RICTOR: variants seen among roughly 807,000 people sequenced by gnomAD.
RICTOR encodes rapamycin-insensitive companion of mTOR.
RICTOR carries 49 observed loss-of-function variants against 214.9 expected under a neutral mutation model. The ratio of observed to expected loss-of-function variants is 0.23; its 90% CI spans 0.18 to 0.29. The LOEUF (loss-of-function observed/expected upper bound fraction) is 0.29. Among genes scored for constraint, RICTOR ranks in the 10% least tolerant of loss-of-function variants. The probability of loss-of-function intolerance (pLI) is 1.00; values close to 1 mark genes in which losing one functional copy is unlikely to be tolerated. For missense variants in RICTOR, 1,625 were observed against 2,047.0 expected, an observed-to-expected ratio of 0.79 and a Z score of 3.98; for synonymous variants, 717 against 711.3, an observed-to-expected ratio of 1.01 and a Z score of -0.13.
At chr5:38,971,618 T>C (rs1750797730) in intron 11 of RICTOR, 1 of 236,418 alleles carries the variant, frequency 4.2e-6, no homozygotes, top group African/African-American at 2.3e-5. Context: ...CCTGACCTCG[T>C]GATCCACCCA....
rs772605425 is a variant in RICTOR, at chr5:38,950,391, C to T, written c.3457G>A (p.Val1153Ile). The T allele has an allele frequency of 1.9e-6, 3 of 1,613,210 alleles. No homozygotes were observed. The East Asian group carries it at 6.7e-5, about 36-fold the overall frequency. Reference sequence around the variant, plus strand: ...GTCTCTAATTGTAATGTTTTCTGTACAGTGGATATGGGTGTAAAATCATCA... The same window carrying T: ...GTCTCTAATTGTAATGTTTTCTGTATAGTGGATATGGGTGTAAAATCATCA... ...HSDDFTPIST[V>I]QKTLQLETSF... Residue 1153 changes from valine (V) to isoleucine (I), a missense_variant, in exon 31 of 38, where the codon GTA (valine) becomes ATA (isoleucine). By Grantham distance (29) the Val-to-Ile change is conservative. This residue lies in a region of RICTOR where 1,214 missense variants were observed against 1,470.5 expected (regional missense o/e 0.83). Transcript: ENST00000357387.
intron 8 of RICTOR, among the ~76,000 whole-genome samples, chr5:38,979,341 A>G (rs1200242473): frequency 6.6e-6 from 1 of 152,164 alleles, no homozygotes; most frequent in Non-Finnish European, 1.5e-5. Flanking sequence ...CATCTTGTCT[A>G]CGGCATTACT....
intron 2 of RICTOR, among the ~76,000 whole-genome samples, chr5:39,056,570 G>A (rs764558797): frequency 3.3e-5 from 5 of 152,052 alleles, no homozygotes; most frequent in East Asian, 1.9e-4. Flanking sequence ...CCAGGAGGTC[G>A]AGGCTGCAGC....
At chr5:38,960,163 C>T (rs1749668296) in intron 20 of RICTOR, among the ~76,000 whole-genome samples, 185 bp from the exon 21 acceptor site, 1 of 152,124 alleles carries the variant, frequency 6.6e-6, no homozygotes, top group Admixed American at 6.6e-5. Context: ...TGATATTATT[C>T]TCCATTTTAC....
chr5:38,986,232 T>C (rs938090349), intron 7 of RICTOR, among the ~76,000 whole-genome samples: 6 of 152,184 alleles, frequency 3.9e-5, no homozygotes, highest in Non-Finnish European at 7.3e-5. Context: ...CCTTCGCTCT[T>C]TCTCCTGCTG....
At chr5:39,011,204 G>C (rs1754489235) in intron 3 of RICTOR, among the ~76,000 whole-genome samples, 1 of 152,212 alleles carries the variant, frequency 6.6e-6, no homozygotes, top group Non-Finnish European at 1.5e-5. Context: ...AGCTCAGGCT[G>C]TTGCTTCAGA....
chr5:38,948,962 A>G (rs1158566124), intron 31 of RICTOR, among the ~76,000 whole-genome samples: 1 of 152,068 alleles, frequency 6.6e-6, no homozygotes, highest in African/African-American at 2.4e-5. Context: ...AATATGTGCT[A>G]AAGTATTCTA....
intron 9 of RICTOR, 137 bp from the exon 10 acceptor site, chr5:38,975,741 T>TACGGCCACCACC: frequency 4.3e-6 from 2 of 469,420 alleles, no homozygotes; most frequent in South Asian, 4.4e-5. Flanking sequence ...AAGACAAAGA[T>TACGGCCACCACC]CAGATCTACA....
chr5:39,015,464 G>T (rs1754872107), intron 3 of RICTOR, among the ~76,000 whole-genome samples: 1 of 151,780 alleles, frequency 6.6e-6, no homozygotes, highest in Non-Finnish European at 1.5e-5. Flanking sequence ...TCCTTAATGG[G>T]GGGCAATTTT....
intron 2 of RICTOR, among the ~76,000 whole-genome samples, chr5:39,023,447 T>C (rs1755581048): frequency 6.6e-6 from 1 of 152,178 alleles, no homozygotes; most frequent in Non-Finnish European, 1.5e-5. Flanking sequence ...TTTAAAAATA[T>C]GCTTCACAAA....
intron 15 of RICTOR, among the ~76,000 whole-genome samples, chr5:38,966,319 T>C (rs1054739460): frequency 6.6e-5 from 10 of 152,240 alleles, no homozygotes; most frequent in East Asian, 1.9e-4. Context: ...TTAGGAAGTC[T>C]TTCTGAGATC....
intron 2 of RICTOR, among the ~76,000 whole-genome samples, chr5:39,060,288 CAT>C (rs1372076348): frequency 5.9e-5 from 9 of 152,054 alleles, no homozygotes; most frequent in South Asian, 2.1e-4. Flanking sequence ...AGTTTATTCA[CAT>C]GTTATGCATA....
intron 3 of RICTOR, among the ~76,000 whole-genome samples, chr5:39,012,602 G>A (rs1392578799): frequency 4.6e-5 from 7 of 152,140 alleles, no homozygotes; most frequent in Middle Eastern, 6.8e-3. Flanking sequence ...TATTTTTGCC[G>A]TTACTGTTGA....
At chr5:39,008,718 C>A (rs1367047648) in intron 3 of RICTOR, among the ~76,000 whole-genome samples, 1 of 150,944 alleles carries the variant, frequency 6.6e-6, no homozygotes, top group Non-Finnish European at 1.5e-5. Flanking sequence ...TAAAAATATA[C>A]CATTAAAAAA....
chr5:38,961,728 T>G (rs562722623), intron 19 of RICTOR, among the ~76,000 whole-genome samples: 20 of 152,282 alleles, frequency 1.3e-4, no homozygotes, highest in Non-Finnish European at 2.5e-4. Context: ...GAATACAGAA[T>G]GCAATCAAAT....
intron 10 of RICTOR, among the ~76,000 whole-genome samples, chr5:38,972,672 G>A (rs1040923203): frequency 5.9e-5 from 9 of 152,088 alleles, no homozygotes; most frequent in African/African-American, 1.7e-4. Flanking sequence ...ATAAAATAGT[G>A]TAAGTATTTT....
At chr5:38,964,759 A>G (rs1453056802) in intron 16 of RICTOR, 33 bp downstream of exon 16, 1 of 1,139,560 alleles carries the variant, frequency 8.8e-7, no homozygotes. Flanking sequence ...TAAATATATC[A>G]AACAAAAGCT....
intron 5 of RICTOR, among the ~76,000 whole-genome samples, chr5:38,998,108 T>G (rs1452912313): frequency 6.6e-6 from 1 of 152,222 alleles, no homozygotes; most frequent in Non-Finnish European, 1.5e-5. Flanking sequence ...ATCTACACTC[T>G]GAGATCCTAA....
rs1749635286 is a variant in RICTOR, at chr5:38,959,885, T to C, written c.1945A>G (p.Asn649Asp). 7 of 1,612,914 alleles carry C rather than the reference T, an allele frequency of 4.3e-6. No individual in the cohort carries two copies. The East Asian group carries it at 1.6e-4, about 36-fold the overall frequency. Reference sequence around the variant, plus strand: ...TGACTAAGGGTGGTCAATAAACCATTATTTTGAAGACTTCTTTCGGGTTTC... The same window carrying C: ...TGACTAAGGGTGGTCAATAAACCATCATTTTGAAGACTTCTTTCGGGTTTC... ...GMKPERSLQN[N>D]GLLTTLSQHY... The change falls in exon 21 of 38, where the codon AAT (asparagine) becomes GAT (aspartate). Residue 649 changes from asparagine to aspartate, a missense_variant. Asn to Asp is a conservative substitution (Grantham distance 23). Coordinates refer to ENST00000357387, the MANE Select transcript of RICTOR (RefSeq NM_152756.5).
Sources: gnomAD v4.1 joint callset for allele counts (sites outside exome capture counted in the v4.1 genomes callset) on GRCh38, gnomAD v4.1.1 for gene constraint, gnomAD v4.1.1 regional missense constraint, MANE v1.5 for transcripts, NCBI Gene and HGNC (gene_info 2026-07-23, HGNC 2026-07-21) for gene names.